Variants in ZFYVE1 observed in about 807,000 individuals in gnomAD.
ZFYVE1 encodes the protein zinc finger FYVE-type containing 1.
A neutral mutation model predicts 74.4 loss-of-function variants in ZFYVE1; 30 were observed. The observed-to-expected ratio is 0.40, with a 90% CI of 0.30 to 0.55. The LOEUF (loss-of-function observed/expected upper bound fraction) is 0.55. ZFYVE1 is among the 20% of genes least tolerant of loss of function. ZFYVE1 has a pLI of 0.42. For synonymous variants in ZFYVE1, 335 were observed against 385.1 expected, an observed-to-expected ratio of 0.87 and a Z score of 1.52; for missense variants, 703 against 1,011.6, an observed-to-expected ratio of 0.69 and a Z score of 4.14.
chr14:73,025,729 G>A (rs1297417784), intron 1 of ZFYVE1, among the ~76,000 whole-genome samples: 1 of 149,684 alleles, frequency 6.7e-6, no homozygotes, highest in African/African-American at 2.4e-5. Context: ...TCAAAATTGT[G>A]GCTAAAGCTC....
At chr14:73,023,979 C>T in intron 2 of ZFYVE1, 47 bp downstream of exon 2, 1 of 1,577,782 alleles carries the variant, frequency 6.3e-7, no homozygotes, top group African/African-American at 1.4e-5. Flanking sequence ...CTTCCAACAA[C>T]AGATCTGCTC....
At chr14:72,989,709 T>C (rs1893563167) in intron 4 of ZFYVE1, among the ~76,000 whole-genome samples, 1 of 151,856 alleles carries the variant, frequency 6.6e-6, no homozygotes, top group African/African-American at 2.4e-5. Context: ...TCTTGGGGCC[T>C]GGTGCAGTGG....
intron 4 of ZFYVE1, among the ~76,000 whole-genome samples, chr14:72,983,776 C>T (rs1034384252): frequency 7.2e-5 from 11 of 152,188 alleles, no homozygotes; most frequent in South Asian, 2.1e-4. Flanking sequence ...GGAATCGCCA[C>T]GCTGGTTGAA....
In ZFYVE1 at chr14:73,024,496, T is replaced by A; in HGVS notation, c.13A>T (p.Thr5Ser). Reference sequence around the variant, plus strand: ...TTCAGGCCCTTCTCTGCTGGGGAAGTCTGGGCACTCATACTCACGCTGGTA... The same window carrying A: ...TTCAGGCCCTTCTCTGCTGGGGAAGACTGGGCACTCATACTCACGCTGGTA... MSAQ[T>S]SPAEKGLNPG... Residue 5 changes from threonine (T) to serine (S), a missense_variant, in exon 2 of 12, where the codon ACT (threonine) becomes TCT (serine). Thr to Ser is a moderately conservative substitution (Grantham distance 58, BLOSUM62 1). This residue lies in a region of ZFYVE1 where 211 missense variants were observed against 221.7 expected (regional missense o/e 0.95). Coordinates refer to ENST00000556143, the MANE Select transcript of ZFYVE1 (RefSeq NM_021260.4). 6.2e-7 allele frequency: 1 copy of A among 1,605,162 alleles called. No homozygotes were observed. Among genetic ancestry groups the A allele is most frequent in the Non-Finnish European group, 8.5e-7 (1 of 1,174,784 alleles).
chr14:72,998,604 T>C (rs1893804307), intron 2 of ZFYVE1, among the ~76,000 whole-genome samples: 2 of 151,786 alleles, frequency 1.3e-5, no homozygotes, highest in African/African-American at 2.4e-5. Context: ...GTAAAACTCT[T>C]AGAGGAAAAC....
rs1364421306 is a variant in ZFYVE1 at position 72,993,200 on chromosome 14, T to C, written c.1146A>G (p.Leu382=). The change falls in exon 4 of 12, where the codon CTA becomes CTG. Residue 382 remains leucine, a synonymous_variant. Coordinates refer to ENST00000556143, the MANE Select transcript of ZFYVE1 (RefSeq NM_021260.4). ...SGLRRALEQL[L]ENNTTRSPRH... ...GGGGAGAACGGGTGGTGTTATTCTCTAGTAGCTGCTCCAAAGCACGCCGAA... is the reference window on the plus strand; with the variant it reads ...GGGGAGAACGGGTGGTGTTATTCTCCAGTAGCTGCTCCAAAGCACGCCGAA... 7 of 1,613,650 alleles carry C rather than the reference T, an allele frequency of 4.3e-6. No homozygotes were observed. Among genetic ancestry groups the C allele is most frequent in the Non-Finnish European group, 5.1e-6 (6 of 1,179,912 alleles).
intron 2 of ZFYVE1, among the ~76,000 whole-genome samples, chr14:73,015,832 G>A (rs1370743107): frequency 6.6e-6 from 1 of 152,152 alleles, no homozygotes; most frequent in Non-Finnish European, 1.5e-5. Flanking sequence ...TGTTGGGCAC[G>A]GTGGCTCACG....
intron 8 of ZFYVE1, among the ~76,000 whole-genome samples, chr14:72,976,855 TC>T (rs1312184773): frequency 2.0e-5 from 3 of 151,432 alleles, no homozygotes; most frequent in African/African-American, 7.3e-5. Context: ...CCAGGAAAGC[TC>T]AGGAGAGGAC....
Position 72,969,543 on chromosome 14 carries a change from G to A in ZFYVE1, c.*1339C>T, listed in dbSNP as rs779039743. The A allele has an allele frequency of 5.0e-4, 306 of 609,604 alleles. No homozygotes were observed. Among genetic ancestry groups the A allele is most frequent in the Admixed American group, 6.4e-4 (22 of 34,600 alleles). 37.8% of individuals were successfully genotyped at this position (609,604 alleles called of 1,614,324 possible). ...GGACCCCAGGAGGCAGGAGGAGCAGGGCTGAGAGGGACGACACACTCCAGG... is the reference window on the plus strand; with the variant it reads ...GGACCCCAGGAGGCAGGAGGAGCAGAGCTGAGAGGGACGACACACTCCAGG... On this transcript the variant is annotated 3_prime_UTR_variant, in exon 12 of 12. Coordinates refer to ENST00000556143, the MANE Select transcript of ZFYVE1 (RefSeq NM_021260.4).
In ZFYVE1 at chr14:73,024,588, T is replaced by A; in HGVS notation, c.-80A>T. 1 of 1,508,948 alleles carries A rather than the reference T, an allele frequency of 6.6e-7. No individual in the cohort carries two copies. Among genetic ancestry groups the A allele is most frequent in the Non-Finnish European group, 8.9e-7 (1 of 1,129,408 alleles). 93.5% of individuals were successfully genotyped at this position (1,508,948 alleles called of 1,614,324 possible). On this transcript the variant is annotated 5_prime_UTR_variant, in exon 2 of 12. Coordinates refer to ENST00000556143, the MANE Select transcript of ZFYVE1 (RefSeq NM_021260.4). The stretch of plus-strand genomic sequence containing the variant: ...GGGGGTGAAGACGAAGATTTGAGTC[T>A]GAAGACTGCACGAAACTTCCACAGG...
chr14:73,001,212 T>C (rs1477287679), intron 2 of ZFYVE1, among the ~76,000 whole-genome samples: 1 of 143,630 alleles, frequency 7.0e-6, no homozygotes, highest in African/African-American at 2.7e-5. Context: ...TATTTCCCTA[T>C]TGACTTGTTA....
At chr14:73,018,406 A>AGG (rs144334477) in intron 2 of ZFYVE1, among the ~76,000 whole-genome samples, 2,449 of 135,258 alleles carry the variant, frequency 0.018, 52 homozygotes, top group East Asian at 0.057. Context: ...GCTCCAGCCT[A>AGG]GGCGACAGAG....
At chr14:73,023,947 G>A in intron 2 of ZFYVE1, 79 bp downstream of exon 2, 1 of 1,536,288 alleles carries the variant, frequency 6.5e-7, no homozygotes, top group Non-Finnish European at 8.7e-7. Flanking sequence ...TCTCTTCTTG[G>A]ACATCGTTTT....
At position 72,997,947 on chromosome 14, in the gene ZFYVE1, T is replaced by C. The variant is rs900319050; in HGVS notation, c.852A>G (p.Ser284=). Residue 284 remains serine (S), a synonymous_variant, in exon 3 of 12, where the codon TCA becomes TCG. Coordinates refer to ENST00000556143, the MANE Select transcript of ZFYVE1 (RefSeq NM_021260.4). ...NDLFKFLGDA[S]EAYLKHFTKE... ...TGGTGAAGTGCTTCAGATAAGCTTC[T>C]GAGGCATCCCCAAGGAATTTGAAGA... 5.0e-6 allele frequency: 8 copies of C among 1,614,074 alleles called. No individual in the cohort carries two copies. Among genetic ancestry groups the C allele is most frequent in the Non-Finnish European group, 6.8e-6 (8 of 1,180,042 alleles).
chr14:72,982,015 A>ATT (rs1893345784), intron 4 of ZFYVE1, 120 bp from the exon 5 acceptor site: 5 of 810,124 alleles, frequency 6.2e-6, no homozygotes, highest in Non-Finnish European at 1.0e-5. Context: ...ACTTCTGCTC[A>ATT]TTACCCTTGA....
intron 4 of ZFYVE1, among the ~76,000 whole-genome samples, chr14:72,988,770 G>A (rs1158886864): frequency 4.3e-5 from 6 of 141,144 alleles, no homozygotes; most frequent in Admixed American, 7.5e-5. Context: ...TTGCATCACT[G>A]TACTCCAGCC....
intron 4 of ZFYVE1, among the ~76,000 whole-genome samples, chr14:72,982,660 G>A (rs1186317977): frequency 6.6e-6 from 1 of 152,168 alleles, no homozygotes; most frequent in African/African-American, 2.4e-5. Context: ...AGCACATGCT[G>A]CTCCAAGCTT....
chr14:72,975,655 C>T lies in ZFYVE1; in HGVS notation c.1702G>A (p.Ala568Thr). ...QRLLDGMNFM[A>T]QSVSELSLGP... ...AGGCTAAGCTCGGACACCGACTGAGCCATGAAGTTCATCCCGTCCAACAGG... is the reference window on the plus strand; with the variant it reads ...AGGCTAAGCTCGGACACCGACTGAGTCATGAAGTTCATCCCGTCCAACAGG... Residue 568 changes from alanine to threonine, a missense_variant, in exon 9 of 12, where the codon GCT (alanine) becomes ACT (threonine). Ala to Thr is a moderately conservative substitution (Grantham distance 58, BLOSUM62 0). Transcript: ENST00000556143. This position sits in a 1 kb window ranked among gnomAD's most constrained non-coding sequence, Gnocchi z 4.1. 6.2e-7 allele frequency: 1 copy of T among 1,614,172 alleles called. No individual in the cohort carries two copies. The highest frequency in any genetic ancestry group is 8.5e-7 in the Non-Finnish European group (1 of 1,180,040).
Position 73,024,241 on chromosome 14 carries a change from C to T in ZFYVE1, c.268G>A (p.Val90Met). Reference sequence around the variant, plus strand: ...TTAATTTTGCAGGTCTGGCACCTCACTATTGCCCTCTGCCTAACACCTGGT... The same window carrying T: ...TTAATTTTGCAGGTCTGGCACCTCATTATTGCCCTCTGCCTAACACCTGGT... ...HLPGVRQRAI[V>M]RCQTCKINLC... Residue 90 changes from valine to methionine, a missense_variant, in exon 2 of 12, where the codon GTG becomes ATG. This residue lies in a region of ZFYVE1 where 211 missense variants were observed against 221.7 expected (regional missense o/e 0.95). Coordinates refer to ENST00000556143, the MANE Select transcript of ZFYVE1 (RefSeq NM_021260.4). 1 of 1,614,228 alleles carries T rather than the reference C, an allele frequency of 6.2e-7. No individual in the cohort carries two copies. The highest frequency in any genetic ancestry group is 8.5e-7 in the Non-Finnish European group (1 of 1,180,052).
Sources: allele counts gnomAD v4.1 joint callset (sites outside exome capture counted in the v4.1 genomes callset), GRCh38; gene constraint gnomAD v4.1.1; regional missense constraint gnomAD v4.1.1; non-coding constraint Gnocchi (gnomAD v3.1); transcripts MANE v1.5; gene names NCBI Gene and HGNC (gene_info 2026-07-23, HGNC 2026-07-21).